SETBP1: variants seen among roughly 807,000 people sequenced by gnomAD.
SETBP1 encodes the protein SET-binding protein.
A neutral mutation model predicts 101.0 loss-of-function variants in SETBP1; 9 were observed. The observed-to-expected ratio is 0.09, with a 90% confidence interval of 0.05 to 0.16. SETBP1 has a LOEUF of 0.16. Among genes scored for constraint, SETBP1 ranks in the 10% least tolerant of loss-of-function variants. The pLI is 1.00. For missense variants in SETBP1, 1,858 were observed against 2,033.8 expected (o/e 0.91, Z 1.66); for synonymous variants, 818 against 788.5 (o/e 1.04, Z -0.63).
At chr18:44,700,542 CTT>C (rs1214139067) in intron 1 of SETBP1, among the ~76,000 whole-genome samples, 11 of 152,186 alleles carry the variant, frequency 7.2e-5, no homozygotes, top group Non-Finnish European at 5.9e-5. Flanking sequence ...CCACTGAACT[CTT>C]TTTATTTTCT....
At chr18:44,727,885 G>A (rs1278104969) in intron 2 of SETBP1, among the ~76,000 whole-genome samples, 2 of 152,108 alleles carry the variant, frequency 1.3e-5, no homozygotes, top group Admixed American at 6.5e-5. Context: ...CACAGAAGCT[G>A]TGCTAGAGAG....
intron 2 of SETBP1, among the ~76,000 whole-genome samples, chr18:44,736,375 C>A (rs752403211): frequency 6.6e-6 from 1 of 152,140 alleles, no homozygotes; most frequent in Non-Finnish European, 1.5e-5. Flanking sequence ...AGTGAGATCA[C>A]GTCTGTTTAC....
At chr18:44,760,972 T>C (rs528072645) in intron 2 of SETBP1, among the ~76,000 whole-genome samples, 1 of 152,374 alleles carries the variant, frequency 6.6e-6, no homozygotes, top group East Asian at 1.9e-4. Context: ...GCCCATAATG[T>C]CTTTCATATT....
At chr18:44,812,027 G>T (rs1476161619) in intron 2 of SETBP1, among the ~76,000 whole-genome samples, 1 of 152,166 alleles carries the variant, frequency 6.6e-6, no homozygotes, top group Non-Finnish European at 1.5e-5. Context: ...TGGGTGGCCT[G>T]AGCAGCTGCC....
chr18:44,744,796 G>A (rs1410124213), intron 2 of SETBP1, among the ~76,000 whole-genome samples: 1 of 142,330 alleles, frequency 7.0e-6, no homozygotes, highest in African/African-American at 2.6e-5. Flanking sequence ...AAAAAAAAAC[G>A]CTTTCTTCGT....
chr18:44,794,913 C>A (rs1029382073), intron 2 of SETBP1, among the ~76,000 whole-genome samples: 1 of 152,122 alleles, frequency 6.6e-6, no homozygotes, highest in Admixed American at 6.5e-5. Context: ...TTCATGGATG[C>A]AAGACATTCT....
At chr18:44,715,470 G>T (rs1193830758) in intron 2 of SETBP1, among the ~76,000 whole-genome samples, 1 of 152,166 alleles carries the variant, frequency 6.6e-6, no homozygotes, top group Non-Finnish European at 1.5e-5. Context: ...TGCAAAATAA[G>T]ATTCCATGAG....
At position 44,951,985 on chromosome 18, in the gene SETBP1, C is replaced by T. The variant is rs756648583; in HGVS notation, c.2645C>T (p.Ala882Val). ...GACAACAACAGCACTTCTGACCAAG[C>T]GGAGAAGAGCTCAGAATCCCGAAGG... ...GTDNNSTSDQAEKSSESRRRY... is the reference protein window; with the variant it reads ...GTDNNSTSDQVEKSSESRRRY... Residue 882 changes from alanine to valine, a missense_variant, in exon 4 of 6, where the codon GCG becomes GTG. Around this residue, in one of 12 missense-constraint regions of SETBP1, gnomAD observed 255 missense variants for 300.1 expected, o/e 0.85. Transcript: ENST00000649279. The surrounding 1 kb of genome is among the most constrained non-coding windows in gnomAD (Gnocchi z 7.8). 8 of 1,613,926 alleles carry T rather than the reference C, an allele frequency of 5.0e-6. No homozygotes were observed. Among genetic ancestry groups the T allele is most frequent in the Non-Finnish European group, 5.9e-6 (7 of 1,180,012 alleles).
chr18:44,830,825 T>A (rs2072347057), intron 2 of SETBP1, among the ~76,000 whole-genome samples: 2 of 152,226 alleles, frequency 1.3e-5, no homozygotes, highest in South Asian at 4.1e-4. Flanking sequence ...GTAGAAACCC[T>A]ATACATTGAG....
intron 4 of SETBP1, chr18:44,986,010 A>C (rs1216626477): frequency 1.3e-5 from 2 of 152,208 alleles, no homozygotes; most frequent in Non-Finnish European, 2.9e-5. Flanking sequence ...ATTATGGCAG[A>C]GAGTAGCTAA....
chr18:44,926,937 G>C (rs1007752972), intron 3 of SETBP1, among the ~76,000 whole-genome samples: 1 of 152,158 alleles, frequency 6.6e-6, no homozygotes, highest in Non-Finnish European at 1.5e-5. Flanking sequence ...GTATGGGCTT[G>C]CCGGGTGCCC....
intron 2 of SETBP1, among the ~76,000 whole-genome samples, chr18:44,725,528 G>A (rs1599037380): frequency 6.6e-6 from 1 of 152,134 alleles, no homozygotes; most frequent in Non-Finnish European, 1.5e-5. Flanking sequence ...TATTTTAGGA[G>A]CACAGGTTCA....
chr18:44,925,458 C>T (rs1485969462), intron 3 of SETBP1, among the ~76,000 whole-genome samples: 1 of 152,118 alleles, frequency 6.6e-6, no homozygotes, highest in Non-Finnish European at 1.5e-5. Context: ...TAAATAAAAC[C>T]TGCTTTTGGA....
intron 2 of SETBP1, among the ~76,000 whole-genome samples, chr18:44,771,863 A>G (rs1449464026): frequency 6.6e-6 from 1 of 152,236 alleles, no homozygotes; most frequent in African/African-American, 2.4e-5. Flanking sequence ...TAGATTCAAT[A>G]TCAGCTCCAT....
At chr18:44,762,064 C>T (rs1047879074) in intron 2 of SETBP1, among the ~76,000 whole-genome samples, 1 of 152,064 alleles carries the variant, frequency 6.6e-6, no homozygotes, top group African/African-American at 2.4e-5. Context: ...TGAACTGGGC[C>T]AGCTGGCCAG....
At chr18:44,738,773 C>CAAAAAAA (rs34390519) in intron 2 of SETBP1, among the ~76,000 whole-genome samples, 3 of 79,748 alleles carry the variant, frequency 3.8e-5, no homozygotes, top group Admixed American at 2.8e-4. Context: ...GACTCCATCT[C>CAAAAAAA]AAAAAAAAAA....
chr18:44,723,628 C>T (rs1473441415), intron 2 of SETBP1, among the ~76,000 whole-genome samples: 1 of 152,170 alleles, frequency 6.6e-6, no homozygotes, highest in East Asian at 1.9e-4. Flanking sequence ...ATTTGCTTGG[C>T]CCATCTTATT....
intron 4 of SETBP1, among the ~76,000 whole-genome samples, chr18:44,978,366 G>A (rs773476277): frequency 5.3e-5 from 8 of 152,098 alleles, no homozygotes; most frequent in Admixed American, 2.0e-4. Context: ...TTGTCTGCCC[G>A]TGCAGGGGGA....
chr18:44,976,073 T>TACACACACACACACAC (rs57458132), intron 4 of SETBP1, among the ~76,000 whole-genome samples: 4 of 143,580 alleles, frequency 2.8e-5, no homozygotes, highest in African/African-American at 1.0e-4. Flanking sequence ...TGGGGAGGGA[T>TACACACACACACACAC]ACACACACAC....
Sources: allele counts gnomAD v4.1 joint callset (sites outside exome capture counted in the v4.1 genomes callset), GRCh38; gene constraint gnomAD v4.1.1; regional missense constraint gnomAD v4.1.1; non-coding constraint Gnocchi (gnomAD v3.1); transcripts MANE v1.5; gene names NCBI Gene and HGNC (gene_info 2026-07-23, HGNC 2026-07-21).